The following CDYL2 variants were observed in gnomAD, a reference collection of about 807,000 sequenced individuals.
The protein encoded by CDYL2 is chromodomain Y-like protein 2.
CDYL2 carries 23 observed loss-of-function variants against 49.4 expected under a neutral mutation model. That is an observed-to-expected ratio of 0.47 (90% CI 0.34 to 0.66). The LOEUF (loss-of-function observed/expected upper bound fraction) is 0.66, where lower values mean the gene tolerates loss of function less well. Among genes scored for constraint, CDYL2 ranks in the 30% least tolerant of loss-of-function variants. The pLI is 0.01. For missense variants in CDYL2, 678 were observed against 656.4 expected (o/e 1.03, Z -0.36); for synonymous variants, 360 against 268.8 (o/e 1.34, Z -3.32).
chr16:80,633,457 G>A lies in CDYL2; in HGVS notation c.617-221C>T, dbSNP rs139275206. On this transcript the variant is annotated intron_variant, in intron 2 of 6. Transcript: ENST00000570137. ...GAAGGGGACCTAGAGGGCTCTTTGT[G>A]AAGGCCCTGTGCGGTCCTCTACTCT... 2.6e-5 allele frequency among the ~76,000 whole-genome samples: 4 copies of A among 152,294 alleles called. No homozygotes were observed. The East Asian group carries it at 7.7e-4, about 29-fold the overall frequency.
intron 1 of CDYL2, among the ~76,000 whole-genome samples, chr16:80,723,190 G>C (rs188579523): frequency 6.6e-6 from 1 of 152,156 alleles, no homozygotes; most frequent in Non-Finnish European, 1.5e-5. Flanking sequence ...AGGAAAAGCC[G>C]CCCCAAGAAG....
intron 3 of CDYL2, among the ~76,000 whole-genome samples, chr16:80,630,159 AT>A (rs761995756): frequency 7.0e-4 from 107 of 152,216 alleles, no homozygotes; most frequent in Non-Finnish European, 1.2e-3. Flanking sequence ...CACATACTCA[AT>A]CCCCTTCAGT....
At chr16:80,700,534 T>C (rs571546515) in intron 1 of CDYL2, among the ~76,000 whole-genome samples, 1 of 152,138 alleles carries the variant, frequency 6.6e-6, no homozygotes, top group South Asian at 2.1e-4. Flanking sequence ...TTCAAATAAA[T>C]AAAAATGGCT....
At chr16:80,669,476 G>A (rs979732120) in intron 2 of CDYL2, among the ~76,000 whole-genome samples, 9 of 151,950 alleles carry the variant, frequency 5.9e-5, no homozygotes, top group Admixed American at 2.0e-4. Flanking sequence ...AAGGAGCCGC[G>A]TCAAGCAGAT....
rs111719830 is a variant in CDYL2 at position 80,633,377 on chromosome 16, T to A, written c.617-141A>T. 4.4e-5 allele frequency: 34 copies of A among 779,496 alleles called. 1 individual carries two copies. In the African/African-American group the frequency reaches 4.7e-4, roughly 11 times the overall value. The allele number at this position is 779,496 out of a possible 1,614,324, so 48.3% of individuals were successfully genotyped here. On this transcript the variant is annotated intron_variant, in intron 2 of 6. Coordinates refer to ENST00000570137, the MANE Select transcript of CDYL2 (RefSeq NM_152342.4). ...ACCTTCTCCCCTGTGCCACCCTCTGTTCTAGGAAGAGGGAAGGTGAAGAGA... is the reference window on the plus strand; with the variant it reads ...ACCTTCTCCCCTGTGCCACCCTCTGATCTAGGAAGAGGGAAGGTGAAGAGA...
intron 1 of CDYL2, among the ~76,000 whole-genome samples, chr16:80,737,013 T>C (rs922787566): frequency 3.3e-5 from 5 of 152,194 alleles, no homozygotes; most frequent in Non-Finnish European, 7.3e-5. Context: ...TTTCTTTTGT[T>C]ACGTGGGAGA....
At position 80,759,120 on chromosome 16, in the gene CDYL2, A is replaced by ATATATATATATATATGGTT. The variant is rs1555535889; in HGVS notation, c.24+45029_24+45030insAACCATATATATATATATA. On this transcript the variant is annotated intron_variant, in intron 1 of 6. Transcript: ENST00000570137. The stretch of plus-strand genomic sequence containing the variant: ...CCATATACTATATATATATATATAT[A>ATATATATATATATATGGTT]TATATATATATATATATATGGTTTA... 3.4e-3 allele frequency among the ~76,000 whole-genome samples: 420 copies of ATATATATATATATATGGTT among 122,674 alleles called. 2 individuals carry two copies. The highest frequency in any genetic ancestry group is 4.9e-3 in the Non-Finnish European group (300 of 60,888). 80.5% of individuals were successfully genotyped at this position (122,674 alleles called of 152,430 possible). A position where few individuals can be genotyped will look rare whatever the true frequency, so the allele number is the denominator to read the frequency against.
rs1020860613 is a variant in CDYL2, at chr16:80,677,752, T to A, written c.616+6786A>T. ...AGACTCCATCTCAAAAAAATAAAAA[T>A]AAAAATAAAAATAAATAAATAAATA... On this transcript the variant is annotated intron_variant, in intron 2 of 6. Transcript: ENST00000570137. 3.7e-3 allele frequency among the ~76,000 whole-genome samples: 546 copies of A among 148,546 alleles called. 9 individuals carry two copies. Among genetic ancestry groups the A allele is most frequent in the East Asian group, 9.8e-3 (50 of 5,124 alleles).
intron 1 of CDYL2, among the ~76,000 whole-genome samples, 162 bp from the exon 2 acceptor site, chr16:80,685,291 G>A (rs1036814090): frequency 9.9e-5 from 15 of 152,188 alleles, no homozygotes; most frequent in African/African-American, 3.6e-4. Flanking sequence ...CTGGCAGGAG[G>A]GTTCAAGAAG....
intron 2 of CDYL2, among the ~76,000 whole-genome samples, chr16:80,682,801 G>C (rs1309390174): frequency 1.3e-5 from 2 of 152,170 alleles, no homozygotes; most frequent in Non-Finnish European, 2.9e-5. Context: ...TTTATGCCAA[G>C]CCCCATTTAC....
chr16:80,700,699 T>C (rs1328423664), intron 1 of CDYL2, among the ~76,000 whole-genome samples: 1 of 152,250 alleles, frequency 6.6e-6, no homozygotes. Context: ...TTAGCATATG[T>C]AAATGGATAT....
chr16:80,611,272 AT>A (rs769461436), intron 5 of CDYL2, among the ~76,000 whole-genome samples: 1 of 152,152 alleles, frequency 6.6e-6, no homozygotes, highest in Non-Finnish European at 1.5e-5. Context: ...GATTTGCAGT[AT>A]TTGAAGAAAG....
At chr16:80,732,093 C>A (rs1377925966) in intron 1 of CDYL2, among the ~76,000 whole-genome samples, 1 of 152,128 alleles carries the variant, frequency 6.6e-6, no homozygotes, top group African/African-American at 2.4e-5. Flanking sequence ...AATAGACAGT[C>A]ATAATGCAAA....
intron 3 of CDYL2, among the ~76,000 whole-genome samples, chr16:80,625,387 T>C (rs1205564918): frequency 1.3e-5 from 2 of 152,218 alleles, no homozygotes; most frequent in African/African-American, 4.8e-5. Flanking sequence ...CTCATCTACA[T>C]TTAAAGACCC....
intron 2 of CDYL2, among the ~76,000 whole-genome samples, chr16:80,637,814 C>G (rs1907907581): frequency 6.6e-6 from 1 of 152,198 alleles, no homozygotes; most frequent in Non-Finnish European, 1.5e-5. Context: ...CTCAATTACC[C>G]TGATTACCCT....
intron 2 of CDYL2, among the ~76,000 whole-genome samples, chr16:80,682,683 G>A (rs1910014900): frequency 6.6e-6 from 1 of 152,152 alleles, no homozygotes; most frequent in South Asian, 2.1e-4. Context: ...CCCCGCCAGA[G>A]CCTTGCCCCT....
intron 1 of CDYL2, among the ~76,000 whole-genome samples, chr16:80,689,754 A>C (rs948277893): frequency 1.2e-4 from 19 of 152,252 alleles, no homozygotes; most frequent in Admixed American, 6.5e-5. Flanking sequence ...GCAGACCGCC[A>C]TCATGGCTCA....
At chr16:80,605,166 T>C (rs1046720108) in intron 6 of CDYL2, among the ~76,000 whole-genome samples, 2 of 151,886 alleles carry the variant, frequency 1.3e-5, no homozygotes, top group African/African-American at 2.4e-5. Flanking sequence ...ATAGTAATCA[T>C]GGTTATAAAT....
chr16:80,781,646 C>A lies in CDYL2; in HGVS notation c.24+22504G>T, dbSNP rs186305736. Reference sequence around the variant, plus strand: ...ACTACATGTTGGGCCACAAGACAGGCTTTAATAAACGGTTTAAAATCTGAG... The same window carrying A: ...ACTACATGTTGGGCCACAAGACAGGATTTAATAAACGGTTTAAAATCTGAG... On this transcript the variant is annotated intron_variant, in intron 1 of 6. Transcript: ENST00000570137. Among the ~76,000 whole-genome samples, 35 of 152,132 alleles carry A rather than the reference C, an allele frequency of 2.3e-4. No homozygotes were observed. In the East Asian group the frequency reaches 5.6e-3, roughly 24 times the overall value.
Sources: gnomAD v4.1 joint callset for allele counts (sites outside exome capture counted in the v4.1 genomes callset) on GRCh38, gnomAD v4.1.1 for gene constraint, MANE v1.5 for transcripts, NCBI Gene and HGNC (gene_info 2026-07-23, HGNC 2026-07-21) for gene names.